ERCC6L: variants seen among roughly 807,000 people sequenced by gnomAD.
ERCC6L encodes the protein DNA excision repair protein ERCC-6-like.
A neutral mutation model predicts 20.1 loss-of-function variants in ERCC6L; 7 were observed. That is an observed-to-expected ratio of 0.35 (90% CI 0.20 to 0.65). ERCC6L has a LOEUF of 0.65. Among genes scored for constraint, ERCC6L ranks in the 30% least tolerant of loss-of-function variants. The probability of loss-of-function intolerance (pLI) is 0.69; values close to 1 mark genes in which losing one functional copy is unlikely to be tolerated. For synonymous variants in ERCC6L, 278 were observed against 331.3 expected, an observed-to-expected ratio of 0.84 and a Z score of 1.75; for missense variants, 592 against 892.4, an observed-to-expected ratio of 0.66 and a Z score of 4.29.
Position 72,205,133 on chromosome X carries a change from CTT to C in ERCC6L, c.3632_3633del (p.Lys1211ArgfsTer14), listed in dbSNP as rs746044837. 14 of 1,211,552 alleles carry C rather than the reference CTT, an allele frequency of 1.2e-5. No homozygotes were observed. The highest frequency in any genetic ancestry group is 1.7e-5 in the African/African-American group (1 of 57,784). On this transcript the variant is annotated frameshift_variant, in exon 2 of 2. Coordinates refer to ENST00000334463, the MANE Select transcript of ERCC6L (RefSeq NM_017669.4). LOFTEE classifies it high-confidence loss of function. ...ETLVKRGKEL[K>X]ECGKIQEALN... ...AGGGCCTCCTGGATTTTTCCACACT[CTT>C]TTAGTTCTTTTCCACGCTTTACAAG...
intron 1 of ERCC6L, among the ~76,000 whole-genome samples, chrX:72,214,680 A>C (rs978357353): frequency 1.9e-5 from 2 of 106,618 alleles, no homozygotes; most frequent in Non-Finnish European, 3.9e-5. Flanking sequence ...CTCAAAAAAA[A>C]AAAAAAAAAC....
At chrX:72,220,705 G>A (rs985446492) in intron 1 of ERCC6L, among the ~76,000 whole-genome samples, 2 of 110,588 alleles carry the variant, frequency 1.8e-5, no homozygotes, top group Non-Finnish European at 1.9e-5. Flanking sequence ...CCCTCACACA[G>A]AAACATTCTA....
intron 1 of ERCC6L, among the ~76,000 whole-genome samples, chrX:72,218,059 A>T (rs2042896992): frequency 9.0e-6 from 1 of 110,858 alleles, no homozygotes; most frequent in Non-Finnish European, 1.9e-5. Flanking sequence ...TCAGGAGGTC[A>T]GGAGATCGAG....
In ERCC6L at chrX:72,205,804, G is replaced by C. The variant is rs751800190; in HGVS notation, c.2963C>G (p.Ser988Cys). 1.7e-6 allele frequency: 2 copies of C among 1,210,252 alleles called. No individual in the cohort carries two copies. Among genetic ancestry groups the C allele is most frequent in the Admixed American group, 4.4e-5 (2 of 45,735 alleles). The change falls in exon 2 of 2, where the codon TCC (serine) becomes TGC (cysteine). Residue 988 changes from serine to cysteine, a missense_variant. This residue lies in a region of ERCC6L where 352 missense variants were observed against 402.6 expected (regional missense o/e 0.87). Coordinates refer to ENST00000334463, the MANE Select transcript of ERCC6L (RefSeq NM_017669.4). ...TTTGCTATGCACAAACCCTGCTCTG[G>C]AATTAGGTGCAGAGCCACACAAGCT... is the stretch of plus-strand genomic sequence containing the variant. ...ENSLCGSAPN[S>C]RAGFVHSKTC... is the part of the protein sequence containing the mutation.
At chrX:72,219,030 C>T (rs756276086) in intron 1 of ERCC6L, among the ~76,000 whole-genome samples, 109 of 112,271 alleles carry the variant, frequency 9.7e-4, no homozygotes, top group Admixed American at 3.7e-3. Flanking sequence ...CTGAGGTGGG[C>T]GGACCACCTG....
chrX:72,222,789 G>A (rs1185180101), intron 1 of ERCC6L, among the ~76,000 whole-genome samples: 3 of 107,144 alleles, frequency 2.8e-5, no homozygotes, highest in Non-Finnish European at 5.8e-5. Flanking sequence ...GTAGAGACAG[G>A]GTTTCATCAT....
chrX:72,206,621 CTTTAT>C lies in ERCC6L; in HGVS notation c.2141_2145del (p.Asn714ArgfsTer10). ...GTTCTTTGTTGTTCCATCAGGAACT[CTTTAT>C]TTTGAGACTCGAATTCAACGAGGAA... On this transcript the variant is annotated frameshift_variant, in exon 2 of 2. Transcript: ENST00000334463. LOFTEE classifies it low-confidence loss of function (END_TRUNC). 1 of 1,211,283 alleles carries C rather than the reference CTTTAT, an allele frequency of 8.3e-7. No individual in the cohort carries two copies. The highest frequency in any genetic ancestry group is 1.1e-6 in the Non-Finnish European group (1 of 895,425).
chrX:72,237,034 T>C (rs1214994581), intron 1 of ERCC6L, among the ~76,000 whole-genome samples: 1 of 112,367 alleles, frequency 8.9e-6, no homozygotes, highest in African/African-American at 3.2e-5. Flanking sequence ...ACTCACACTA[T>C]TGACTTTATT....
At chrX:72,213,819 C>T (rs765610922) in intron 1 of ERCC6L, among the ~76,000 whole-genome samples, 7 of 111,702 alleles carry the variant, frequency 6.3e-5, no homozygotes, top group Admixed American at 3.8e-4. Flanking sequence ...CCTTGGAATC[C>T]GTGAGGCCAA....
At chrX:72,224,372 T>C (rs2042942518) in intron 1 of ERCC6L, among the ~76,000 whole-genome samples, 1 of 111,369 alleles carries the variant, frequency 9.0e-6, no homozygotes, top group Non-Finnish European at 1.9e-5. Flanking sequence ...GGGGGAATCA[T>C]TCATTCATCG....
chrX:72,221,436 G>A (rs184502044), intron 1 of ERCC6L, among the ~76,000 whole-genome samples: 13 of 110,730 alleles, frequency 1.2e-4, no homozygotes, highest in African/African-American at 4.3e-4. Context: ...AGAGGACGCC[G>A]GGTCTCTGTC....
intron 1 of ERCC6L, among the ~76,000 whole-genome samples, chrX:72,233,104 A>T (rs949693967): frequency 8.0e-5 from 9 of 111,824 alleles, no homozygotes; most frequent in African/African-American, 2.9e-4. Flanking sequence ...GTAATCACTG[A>T]ACCCATTGAT....
intron 1 of ERCC6L, among the ~76,000 whole-genome samples, chrX:72,214,110 T>A (rs1328201678): frequency 8.9e-6 from 1 of 112,223 alleles, no homozygotes; most frequent in Non-Finnish European, 1.9e-5. Flanking sequence ...ATGCCAGTAT[T>A]GAAAACAGGT....
At position 72,205,064 on chromosome X, in the gene ERCC6L, C is replaced by A. The variant is rs1349508495; in HGVS notation, c.3703G>T (p.Glu1235Ter). ...KALDIKSADP[E>*]VMLLTLSLYK... ...AAACTTAAAGTCAAGAGCATAACTT[C>A]AGGATCTGCACTTTTTATGTCAAGC... Residue 1235 changes from glutamate (E) to a stop codon, truncating the protein, a stop_gained, in exon 2 of 2, where the codon GAA becomes TAA. Coordinates refer to ENST00000334463, the MANE Select transcript of ERCC6L (RefSeq NM_017669.4). LOFTEE classifies it high-confidence loss of function. 1 of 1,207,661 alleles carries A rather than the reference C, an allele frequency of 8.3e-7. No individual in the cohort carries two copies. Among genetic ancestry groups the A allele is most frequent in the Admixed American group, 2.2e-5 (1 of 45,249 alleles).
intron 1 of ERCC6L, among the ~76,000 whole-genome samples, chrX:72,235,341 C>T (rs1162518154): frequency 9.2e-6 from 1 of 108,479 alleles, no homozygotes; most frequent in African/African-American, 3.4e-5. Context: ...AGGTTGAATC[C>T]TTCTCACACT....
At chrX:72,227,562 C>T (rs1028563478) in intron 1 of ERCC6L, among the ~76,000 whole-genome samples, 1 of 111,569 alleles carries the variant, frequency 9.0e-6, no homozygotes, top group Non-Finnish European at 1.9e-5. Context: ...AACACCACCT[C>T]TACCAACTCC....
intron 1 of ERCC6L, among the ~76,000 whole-genome samples, chrX:72,232,087 C>T (rs7052528): frequency 0.42 from 45,753 of 107,882 alleles, 8,881 homozygotes; most frequent in East Asian, 0.98. Context: ...TCTAAAAAAA[C>T]AGAAATAAAA....
chrX:72,232,088 A>G (rs1243685729), intron 1 of ERCC6L, among the ~76,000 whole-genome samples: 1 of 109,895 alleles, frequency 9.1e-6, no homozygotes, highest in Non-Finnish European at 1.9e-5. Context: ...CTAAAAAAAC[A>G]GAAATAAAAC....
At chrX:72,236,745 C>T (rs1195149064) in intron 1 of ERCC6L, among the ~76,000 whole-genome samples, 1 of 112,026 alleles carries the variant, frequency 8.9e-6, no homozygotes, top group Non-Finnish European at 1.9e-5. Flanking sequence ...TTGAATGACA[C>T]TGGTTCATTC....
Sources: allele counts gnomAD v4.1 joint callset (sites outside exome capture counted in the v4.1 genomes callset), GRCh38; gene constraint gnomAD v4.1.1; regional missense constraint gnomAD v4.1.1; transcripts MANE v1.5; gene names NCBI Gene and HGNC (gene_info 2026-07-23, HGNC 2026-07-21).